Variants in DCDC1 observed in about 807,000 individuals in gnomAD.
DCDC1 encodes the protein doublecortin domain containing 1.
DCDC1 carries 200 observed loss-of-function variants against 178.3 expected under a neutral mutation model. That is an observed-to-expected ratio of 1.12 (90% CI 1.00 to 1.26). The LOEUF is 1.26. DCDC1 is among the 50% of genes most tolerant of loss of function. The pLI is 0.00. For synonymous variants in DCDC1, 690 were observed against 604.8 expected, an observed-to-expected ratio of 1.14 and a Z score of -2.07; for missense variants, 1,983 against 1,749.2, an observed-to-expected ratio of 1.13 and a Z score of -2.38.
chr11:31,364,778 G>T (rs1951878343), intron 1 of DCDC1, among the ~76,000 whole-genome samples: 1 of 151,538 alleles, frequency 6.6e-6, no homozygotes, highest in African/African-American at 2.4e-5. Flanking sequence ...TAAAAGATGA[G>T]CTAGGATTAT....
At chr11:30,975,083 A>C (rs534378161) in intron 20 of DCDC1, among the ~76,000 whole-genome samples, 1 of 152,294 alleles carries the variant, frequency 6.6e-6, no homozygotes, top group African/African-American at 2.4e-5. Context: ...CAAATCAATA[A>C]ATTTGATAAA....
intron 3 of DCDC1, chr11:31,314,554 T>C (rs1427652742): frequency 6.6e-6 from 1 of 152,270 alleles, no homozygotes; most frequent in Non-Finnish European, 1.5e-5. Context: ...CAGTCTCATC[T>C]GATGCTCAGG....
intron 6 of DCDC1, among the ~76,000 whole-genome samples, chr11:31,295,584 A>G (rs577073852): frequency 4.3e-4 from 66 of 152,294 alleles, no homozygotes; most frequent in African/African-American, 1.5e-3. Flanking sequence ...GGGGCATAGT[A>G]GCCAGTCCCC....
At chr11:31,090,700 T>C (rs1408015934) in intron 17 of DCDC1, among the ~76,000 whole-genome samples, 6 of 152,206 alleles carry the variant, frequency 3.9e-5, no homozygotes, top group Non-Finnish European at 7.3e-5. Flanking sequence ...CTGGATCAAC[T>C]TCTCTGATGA....
At chr11:31,056,423 TA>T (rs1955588719) in intron 20 of DCDC1, among the ~76,000 whole-genome samples, 1 of 152,006 alleles carries the variant, frequency 6.6e-6, no homozygotes. Context: ...AATACTGCAC[TA>T]AAAAATACTT....
In DCDC1 at chr11:31,305,731, C is replaced by G. The variant is rs1195572224; in HGVS notation, c.638G>C (p.Arg213Thr). 8 of 1,613,792 alleles carry G rather than the reference C, an allele frequency of 5.0e-6. No individual in the cohort carries two copies. Among genetic ancestry groups the G allele is most frequent in the Non-Finnish European group, 6.8e-6 (8 of 1,179,850 alleles). ...CTTGCCGTCTGCCAAGAACACTCGT[C>G]TTGCGGCCATGTTCAGATTCAGCTT... ...TEKLNLNMAARRVFLADGKEA... is the reference protein window; with the variant it reads ...TEKLNLNMAATRVFLADGKEA... The change falls in exon 6 of 39, where the codon AGA (arginine) becomes ACA (threonine). Residue 213 changes from arginine (R) to threonine (T), a missense_variant. Transcript: ENST00000684477.
At chr11:31,206,155 A>T (rs1428174006) in intron 9 of DCDC1, among the ~76,000 whole-genome samples, 1 of 152,186 alleles carries the variant, frequency 6.6e-6, no homozygotes, top group African/African-American at 2.4e-5. Context: ...GTAGGTGAAA[A>T]GTTGATATGA....
chr11:31,009,114 G>C (rs1030541824), intron 20 of DCDC1, among the ~76,000 whole-genome samples: 8 of 152,118 alleles, frequency 5.3e-5, no homozygotes, highest in Admixed American at 5.2e-4. Context: ...CAAGACTTTA[G>C]TTTGTTTCAG....
At chr11:31,174,179 A>C (rs1967657326) in intron 9 of DCDC1, among the ~76,000 whole-genome samples, 1 of 152,210 alleles carries the variant, frequency 6.6e-6, no homozygotes, top group African/African-American at 2.4e-5. Context: ...CTGCAGCTGC[A>C]GACCCAGGCA....
intron 24 of DCDC1, among the ~76,000 whole-genome samples, chr11:30,921,464 C>A (rs1233819691): frequency 6.6e-6 from 1 of 152,064 alleles, no homozygotes; most frequent in East Asian, 1.9e-4. Context: ...AAAAGAAAAG[C>A]AAAAGTCCAA....
At position 31,307,732 on chromosome 11, in the gene DCDC1, A is replaced by G; in HGVS notation, c.341T>C (p.Leu114Pro). The change falls in exon 4 of 39, where the codon CTA becomes CCA. Residue 114 changes from leucine to proline, a missense_variant. Transcript: ENST00000684477. ...TTTACTGTTTGATTTGTAGCTATCT[A>G]GGTCTGATATTTCATCATGGCTGTG... ...SDHSHDEISD[L>P]DSYKSNSKNN... The G allele has an allele frequency of 1.2e-6, 2 of 1,614,122 alleles. No individual in the cohort carries two copies. The highest frequency in any genetic ancestry group is 8.5e-7 in the Non-Finnish European group (1 of 1,179,990).
At chr11:30,955,520 C>A (rs1948720184) in intron 20 of DCDC1, among the ~76,000 whole-genome samples, 1 of 152,180 alleles carries the variant, frequency 6.6e-6, no homozygotes, top group Non-Finnish European at 1.5e-5. Context: ...TCAGCCTACC[C>A]TTCCCATGAA....
intron 1 of DCDC1, among the ~76,000 whole-genome samples, chr11:31,350,718 A>T (rs1364943578): frequency 6.6e-6 from 1 of 152,124 alleles, no homozygotes; most frequent in Admixed American, 6.6e-5. Flanking sequence ...CTTAACAGGT[A>T]ATATGTGACA....
chr11:31,095,370 C>A (rs1958084903), intron 15 of DCDC1, among the ~76,000 whole-genome samples: 2 of 152,166 alleles, frequency 1.3e-5, no homozygotes, highest in African/African-American at 4.8e-5. Context: ...ACACTGTCTT[C>A]CACAGTGGTT....
chr11:31,034,777 G>A (rs1953916577), intron 20 of DCDC1, among the ~76,000 whole-genome samples: 1 of 152,190 alleles, frequency 6.6e-6, no homozygotes, highest in African/African-American at 2.4e-5. Context: ...AGGGACCCAT[G>A]ACTGTAGAAA....
intron 20 of DCDC1, among the ~76,000 whole-genome samples, chr11:30,975,584 G>C (rs1016034635): frequency 2.0e-5 from 3 of 151,916 alleles, no homozygotes; most frequent in Non-Finnish European, 4.4e-5. Flanking sequence ...TGAACTAGCT[G>C]AGAAAGAAAT....
intron 20 of DCDC1, among the ~76,000 whole-genome samples, chr11:30,978,780 AC>A (rs1950232773): frequency 8.9e-5 from 1 of 11,188 alleles, no homozygotes; most frequent in Non-Finnish European, 1.9e-4. Context: ...TCCCCCCTCA[AC>A]ACACACACAC....
chr11:30,920,405 G>GA (rs1199316061), intron 25 of DCDC1, among the ~76,000 whole-genome samples: 2 of 152,164 alleles, frequency 1.3e-5, no homozygotes, highest in African/African-American at 2.4e-5. Flanking sequence ...CAATGATCCA[G>GA]AAAGATAACT....
At chr11:31,292,707 G>C (rs1380074661) in intron 6 of DCDC1, among the ~76,000 whole-genome samples, 2 of 152,096 alleles carry the variant, frequency 1.3e-5, no homozygotes, top group African/African-American at 4.8e-5. Context: ...TTACACAACA[G>C]TGTGAATGTA....
Sources: allele counts gnomAD v4.1 joint callset (sites outside exome capture counted in the v4.1 genomes callset), GRCh38; gene constraint gnomAD v4.1.1; transcripts MANE v1.5; gene names NCBI Gene and HGNC (gene_info 2026-07-23, HGNC 2026-07-21).